PCBP3: variants seen among roughly 807,000 people sequenced by gnomAD.
PCBP3 encodes poly(rC)-binding protein 3.
In PCBP3, 25 loss-of-function variants were observed where a neutral mutation model predicts 52.7. The observed-to-expected ratio is 0.47, with a 90% CI of 0.35 to 0.66. The LOEUF is 0.66. PCBP3 is among the 30% of genes least tolerant of loss of function. The probability of loss-of-function intolerance (pLI) is 0.01; values close to 1 mark genes in which losing one functional copy is unlikely to be tolerated. For missense variants in PCBP3, 391 were observed against 490.3 expected, an observed-to-expected ratio of 0.80 and a Z score of 1.91; for synonymous variants, 162 against 183.0, an observed-to-expected ratio of 0.89 and a Z score of 0.93.
intron 6 of PCBP3, among the ~76,000 whole-genome samples, chr21:45,898,271 T>C (rs62213760): frequency 0.3 from 44,302 of 147,160 alleles, 8,506 homozygotes; most frequent in East Asian, 0.68. Context: ...TCCAGTGTCC[T>C]CCTCCCTCCA....
At chr21:45,894,623 A>G (rs2095776026) in intron 5 of PCBP3, among the ~76,000 whole-genome samples, 1 of 152,236 alleles carries the variant, frequency 6.6e-6, no homozygotes, top group Admixed American at 6.5e-5. Context: ...TGTGCTGTCC[A>G]GCAGAGCTGT....
rs143015768 is a variant in PCBP3, at chr21:45,765,639, C to G, written c.-126+10187C>G. On this transcript the variant is annotated intron_variant, in intron 4 of 17. Transcript: ENST00000681687. ...GCCAGCGCGGCTCTTCCATTGTCTG[C>G]CTTCCTGAGGGGTCGGGGGCTTGTC... Among the ~76,000 whole-genome samples the G allele has an allele frequency of 1.3e-3, 196 of 152,280 alleles. 2 individuals are homozygous for G. The highest frequency in any genetic ancestry group is 4.4e-3 in the African/African-American group (182 of 41,560).
chr21:45,651,030 G>A (rs185755371), intron 1 of PCBP3, among the ~76,000 whole-genome samples: 6 of 152,266 alleles, frequency 3.9e-5, no homozygotes, highest in South Asian at 4.1e-4. Flanking sequence ...GATTCTTCCC[G>A]TCAAGGCTTC....
At chr21:45,718,498 G>T (rs1227742267) in intron 2 of PCBP3, among the ~76,000 whole-genome samples, 2 of 151,970 alleles carry the variant, frequency 1.3e-5, no homozygotes, top group Non-Finnish European at 2.9e-5. Context: ...CTGTTCTGCC[G>T]CTTCCATGCC....
intron 2 of PCBP3, among the ~76,000 whole-genome samples, chr21:45,672,735 C>T (rs2081249967): frequency 1.3e-5 from 2 of 152,140 alleles, no homozygotes; most frequent in Admixed American, 1.3e-4. Context: ...GCCCTCTCTT[C>T]ATTGTGGAGT....
At chr21:45,710,402 G>A (rs1054744351) in intron 2 of PCBP3, among the ~76,000 whole-genome samples, 1 of 152,096 alleles carries the variant, frequency 6.6e-6, no homozygotes, top group Non-Finnish European at 1.5e-5. Context: ...GAGAACATGC[G>A]GTGTTTGGTT....
chr21:45,793,181 C>T (rs1423510622), intron 4 of PCBP3, among the ~76,000 whole-genome samples: 1 of 152,140 alleles, frequency 6.6e-6, no homozygotes, highest in African/African-American at 2.4e-5. Flanking sequence ...ACACACGGCT[C>T]CTTCAAAGGG....
chr21:45,887,257 T>C (rs144640597), intron 5 of PCBP3, among the ~76,000 whole-genome samples: 1 of 152,326 alleles, frequency 6.6e-6, no homozygotes, highest in East Asian at 1.9e-4. Context: ...CCAGGCTGTT[T>C]TGTTGTTTTT....
At chr21:45,682,698 C>T (rs1022578931) in intron 2 of PCBP3, among the ~76,000 whole-genome samples, 6 of 151,838 alleles carry the variant, frequency 4.0e-5, no homozygotes, top group African/African-American at 4.8e-5. Context: ...AGGAGAATGG[C>T]GTGCCATCAG....
chr21:45,910,999 G>A lies in PCBP3; in HGVS notation c.569G>A (p.Cys190Tyr), dbSNP rs2096377874. 1 of 1,611,604 alleles carries A rather than the reference G, an allele frequency of 6.2e-7. No homozygotes were observed. The highest frequency in any genetic ancestry group is 8.5e-7 in the Non-Finnish European group (1 of 1,179,976). ...GGGACCCCAGATGCCATCATCCAGT[G>A]CGTCAAGCAGATCTGTGTGGTCATG... Reference protein sequence around the residue: ...ISGTPDAIIQCVKQICVVMLE... With the variant: ...ISGTPDAIIQYVKQICVVMLE... Residue 190 changes from cysteine to tyrosine, a missense_variant, in exon 11 of 18, where the codon TGC (cysteine) becomes TAC (tyrosine). Transcript: ENST00000681687.
intron 2 of PCBP3, among the ~76,000 whole-genome samples, chr21:45,682,557 T>C (rs1221631244): frequency 6.6e-6 from 1 of 152,128 alleles, no homozygotes; most frequent in Non-Finnish European, 1.5e-5. Flanking sequence ...CATAGAGTGA[T>C]AGCAGTGGAG....
intron 5 of PCBP3, among the ~76,000 whole-genome samples, chr21:45,885,961 C>T (rs901823068): frequency 6.6e-6 from 1 of 152,234 alleles, no homozygotes; most frequent in Non-Finnish European, 1.5e-5. Flanking sequence ...CTGGATATTA[C>T]GTTATGAGAC....
At chr21:45,809,045 G>T (rs905951470) in intron 4 of PCBP3, among the ~76,000 whole-genome samples, 1 of 152,054 alleles carries the variant, frequency 6.6e-6, no homozygotes, top group South Asian at 2.1e-4. Flanking sequence ...GTTGGGGGGT[G>T]GGGGGCTAGG....
At chr21:45,843,041 G>A (rs775443035) in intron 4 of PCBP3, among the ~76,000 whole-genome samples, 3 of 145,738 alleles carry the variant, frequency 2.1e-5, no homozygotes, top group East Asian at 1.9e-4. Flanking sequence ...AGAGGAGGAA[G>A]CACAAACAAA....
intron 5 of PCBP3, among the ~76,000 whole-genome samples, chr21:45,877,758 G>T (rs1480289373): frequency 6.6e-6 from 1 of 152,118 alleles, no homozygotes; most frequent in Non-Finnish European, 1.5e-5. Context: ...GTGAGCTGCT[G>T]TACTCCAACC....
chr21:45,783,908 A>G (rs1267242312), intron 4 of PCBP3, among the ~76,000 whole-genome samples: 3 of 152,228 alleles, frequency 2.0e-5, no homozygotes, highest in African/African-American at 4.8e-5. Flanking sequence ...ACTTTCACAC[A>G]CACAAAGCAC....
At chr21:45,822,050 C>T (rs1039425260) in intron 4 of PCBP3, among the ~76,000 whole-genome samples, 3 of 152,212 alleles carry the variant, frequency 2.0e-5, no homozygotes, top group African/African-American at 7.2e-5. Context: ...TGGAACTGAG[C>T]TTGCTTCCCT....
intron 13 of PCBP3, among the ~76,000 whole-genome samples, chr21:45,923,338 C>G (rs1383049337): frequency 1.3e-5 from 2 of 152,334 alleles, no homozygotes; most frequent in Admixed American, 1.3e-4. Flanking sequence ...CTTGCAGCTG[C>G]AAGTGGTGCA....
At chr21:45,645,122 C>T (rs959178531) in intron 1 of PCBP3, among the ~76,000 whole-genome samples, 2 of 152,316 alleles carry the variant, frequency 1.3e-5, no homozygotes, top group East Asian at 1.9e-4. Flanking sequence ...GATCATCACA[C>T]GACAGAAGCA....
Sources: allele counts gnomAD v4.1 joint callset (sites outside exome capture counted in the v4.1 genomes callset), GRCh38; gene constraint gnomAD v4.1.1; transcripts MANE v1.5; gene names NCBI Gene and HGNC (gene_info 2026-07-23, HGNC 2026-07-21).